Variants in COL18A1 observed in about 807,000 individuals in gnomAD.
COL18A1 encodes the protein collagen type XVIII alpha 1 chain.
Under a neutral mutation model 168.0 loss-of-function variants are expected in COL18A1, and 133 were observed. The ratio of observed to expected loss-of-function variants is 0.79; its 90% CI spans 0.69 to 0.91. The LOEUF (loss-of-function observed/expected upper bound fraction) is 0.91. Among genes scored for constraint, COL18A1 ranks in the 40% least tolerant of loss-of-function variants. COL18A1 has a pLI of 0.00. For missense variants in COL18A1, 2,126 were observed against 1,925.4 expected (o/e 1.10, Z -1.95); for synonymous variants, 949 against 809.0 (o/e 1.17, Z -2.94).
chr21:45,495,493 G>T lies in COL18A1; in HGVS notation c.2508+61G>T. ...GAGACCAGGACCTGGGAATGGCCTG[G>T]CCACAGCCTGGGGTCCTGCAGCTCC... is the stretch of plus-strand genomic sequence containing the variant. On this transcript the variant is annotated intron_variant, in intron 29 of 41. Transcript: ENST00000651438. 4 of 1,441,688 alleles carry T rather than the reference G, an allele frequency of 2.8e-6. 1 individual carries two copies. In the South Asian group the frequency reaches 4.8e-5, roughly 17 times the overall value. 89.3% of individuals were successfully genotyped at this position (1,441,688 alleles called of 1,614,324 possible). A position where few individuals can be genotyped will look rare whatever the true frequency, so the allele number is the denominator to read the frequency against.
chr21:45,438,789 A>G (rs2034290627), intron 2 of COL18A1, among the ~76,000 whole-genome samples: 1 of 152,238 alleles, frequency 6.6e-6, no homozygotes, highest in Non-Finnish European at 1.5e-5. Context: ...AGAGTGGCTT[A>G]TTAGACACGT....
intron 2 of COL18A1, chr21:45,467,219 G>C (rs2035243636): frequency 1.3e-5 from 13 of 985,320 alleles, no homozygotes; most frequent in Non-Finnish European, 1.6e-5. Context: ...GAAACGAGGT[G>C]TGAGAACTCT....
intron 2 of COL18A1, among the ~76,000 whole-genome samples, chr21:45,447,536 AT>A (rs1348779685): frequency 1.3e-5 from 2 of 152,216 alleles, no homozygotes; most frequent in African/African-American, 2.4e-5. Flanking sequence ...ATGGAAAGTT[AT>A]CCCATGTTTA....
At chr21:45,484,165 TAC>T (rs1568913623) in intron 15 of COL18A1, among the ~76,000 whole-genome samples, 15 of 127,086 alleles carry the variant, frequency 1.2e-4, no homozygotes, top group African/African-American at 4.2e-4. Context: ...CCAGCATATG[TAC>T]ACGCGCACAC....
chr21:45,503,328 T>C (rs571469462), intron 32 of COL18A1, among the ~76,000 whole-genome samples: 202 of 152,232 alleles, frequency 1.3e-3, no homozygotes, highest in African/African-American at 4.4e-3. Context: ...CCAGTGATGA[T>C]GAGCATTTTT....
rs201180574 is a variant in COL18A1, at chr21:45,504,502, CGGCCCCCCCGGCCCCCCA to C, written c.2823_2840del (p.Pro944_Pro949del). The C allele has an allele frequency of 8.6e-3, 12,187 of 1,414,374 alleles. 76 individuals carry two copies. The highest frequency in any genetic ancestry group is 0.038 in the African/African-American group (1,343 of 35,156). 87.6% of individuals were successfully genotyped at this position (1,414,374 alleles called of 1,614,324 possible). A position where few individuals can be genotyped will look rare whatever the true frequency, so the allele number is the denominator to read the frequency against. ...GCGGTTTCTTCGGCTCCAGCCTGCC[CGGCCCCCCCGGCCCCCCA>C]GGCCCCCCAGGCCCACGTGGCTACC... On this transcript the variant is annotated inframe_deletion, in exon 34 of 42. Coordinates refer to ENST00000651438, the MANE Select transcript of COL18A1 (RefSeq NM_001379500.1).
chr21:45,455,551 C>G lies in COL18A1; in HGVS notation c.107-12691C>G, dbSNP rs1398437334. ...CCCCGATGGCTCCCTACCCCTGTGG[C>G]TGCCACATCCTGCTGCTGCTCTTCT... On this transcript the variant is annotated intron_variant, in intron 2 of 41. Transcript: ENST00000651438. 2.5e-6 allele frequency: 4 copies of G among 1,613,566 alleles called. No homozygotes were observed. The Admixed American group carries it at 5.0e-5, about 20-fold the overall frequency.
At chr21:45,421,678 G>C in intron 2 of COL18A1, 1 of 480,050 alleles carries the variant, frequency 2.1e-6, no homozygotes, top group South Asian at 1.6e-5. Context: ...AGCTCACACT[G>C]TTTCAGGGTT....
At chr21:45,508,741 A>C (rs1285810415) in intron 38 of COL18A1, among the ~76,000 whole-genome samples, 1 of 152,134 alleles carries the variant, frequency 6.6e-6, no homozygotes, top group African/African-American at 2.4e-5. Context: ...TCATTCAGCC[A>C]GTCAATAGTC....
chr21:45,456,629 C>T (rs945074629), intron 2 of COL18A1: 15 of 1,538,340 alleles, frequency 9.8e-6, no homozygotes, highest in African/African-American at 4.1e-5. Context: ...CGAGCAGGTG[C>T]GGGCCGGGGC....
intron 2 of COL18A1, among the ~76,000 whole-genome samples, chr21:45,454,578 G>A (rs1283799525): frequency 2.0e-5 from 3 of 152,232 alleles, no homozygotes; most frequent in Admixed American, 6.5e-5. Flanking sequence ...GATGGGCTCC[G>A]TGATCTTGAG....
intron 8 of COL18A1, 116 bp downstream of exon 8, chr21:45,478,081 G>T: frequency 1.3e-6 from 1 of 749,996 alleles, no homozygotes. Flanking sequence ...GGGCAGGTCA[G>T]CAGCCTCCTT....
chr21:45,509,694 C>T, intron 39 of COL18A1, 93 bp downstream of exon 39: 1 of 805,198 alleles, frequency 1.2e-6, no homozygotes. Context: ...TGCTGGGGGT[C>T]CCAGGCTTCG....
intron 20 of COL18A1, 83 bp from the exon 21 acceptor site, chr21:45,490,753 A>G (rs2036307183): frequency 7.7e-6 from 11 of 1,420,480 alleles, no homozygotes; most frequent in Non-Finnish European, 1.1e-5. Flanking sequence ...AGAACCCCAC[A>G]TCTTCATCAG....
At chr21:45,455,796 A>G (rs979960718) in intron 2 of COL18A1, 7 of 1,613,610 alleles carry the variant, frequency 4.3e-6, no homozygotes, top group Middle Eastern at 3.3e-4. Flanking sequence ...CTGCTGGAAG[A>G]TGGCCAGGAC....
intron 40 of COL18A1, among the ~76,000 whole-genome samples, 154 bp from the exon 41 acceptor site, chr21:45,510,951 AACACCC>A (rs371690189): frequency 2.7e-4 from 27 of 98,826 alleles, no homozygotes; most frequent in Admixed American, 4.3e-4. Context: ...ACACACCCAC[AACACCC>A]CACATACACC....
chr21:45,506,326 G>A (rs765470630), intron 37 of COL18A1: 128 of 364,332 alleles, frequency 3.5e-4, no homozygotes, highest in Admixed American at 1.1e-3. Context: ...CCAGGGCCAC[G>A]TGACGTCCAC....
intron 13 of COL18A1, 100 bp from the exon 14 acceptor site, chr21:45,481,863 G>A: frequency 1.2e-6 from 1 of 846,678 alleles, no homozygotes; most frequent in Non-Finnish European, 2.0e-6. Context: ...TCTGTGTCCT[G>A]CCTTCTGGAA....
chr21:45,496,036 T>C (rs4819124), intron 29 of COL18A1: 174,355 of 358,754 alleles, frequency 0.49, 43,677 homozygotes, highest in African/African-American at 0.67. Context: ...AACAGGCCCC[T>C]GTGGATTCTC....
Sources: allele counts gnomAD v4.1 joint callset (sites outside exome capture counted in the v4.1 genomes callset), GRCh38; gene constraint gnomAD v4.1.1; transcripts MANE v1.5; gene names NCBI Gene and HGNC (gene_info 2026-07-23, HGNC 2026-07-21).